Variants in CLSTN2 observed in about 807,000 individuals in gnomAD.
The protein encoded by CLSTN2 is calsyntenin 2, also known as calsyntenin-2.
In CLSTN2, 48 loss-of-function variants were observed where a neutral mutation model predicts 101.2. The observed-to-expected ratio is 0.47, with a 90% CI of 0.38 to 0.60. The LOEUF is 0.60. CLSTN2 is among the 20% of genes least tolerant of loss of function. CLSTN2 has a pLI of 0.00. For synonymous variants in CLSTN2, 481 were observed against 463.6 expected, an observed-to-expected ratio of 1.04 and a Z score of -0.48; for missense variants, 1,160 against 1,238.2, an observed-to-expected ratio of 0.94 and a Z score of 0.95.
chr3:140,006,431 A>G (rs1361711244), intron 1 of CLSTN2, among the ~76,000 whole-genome samples: 2 of 152,204 alleles, frequency 1.3e-5, no homozygotes, highest in African/African-American at 4.8e-5. Context: ...TCCTTAGTCC[A>G]TATGCAAATG....
intron 2 of CLSTN2, among the ~76,000 whole-genome samples, chr3:140,394,563 T>C (rs1277936757): frequency 6.6e-6 from 1 of 152,230 alleles, no homozygotes; most frequent in Non-Finnish European, 1.5e-5. Context: ...AAGCCATCAT[T>C]GTCTGTGTTC....
At chr3:140,074,454 G>A (rs571784007) in intron 1 of CLSTN2, among the ~76,000 whole-genome samples, 3 of 152,130 alleles carry the variant, frequency 2.0e-5, no homozygotes, top group East Asian at 1.9e-4. Context: ...AATGACTGCC[G>A]AGCAGATGGA....
chr3:140,092,853 C>T lies in CLSTN2; in HGVS notation c.110-83098C>T, dbSNP rs189032093. Among the ~76,000 whole-genome samples the T allele has an allele frequency of 2.7e-4, 41 of 152,308 alleles. No homozygotes were observed. In the East Asian group the frequency reaches 6.4e-3, roughly 24 times the overall value. On this transcript the variant is annotated intron_variant, in intron 1 of 16. Coordinates refer to ENST00000458420, the MANE Select transcript of CLSTN2 (RefSeq NM_022131.3). The stretch of plus-strand genomic sequence containing the variant: ...CATGGTGCATTTCAGTCTCCAGGGA[C>T]GGTGACTTGCGTGCTGCCTGGCTCC...
chr3:140,151,514 G>T (rs1290397740), intron 1 of CLSTN2, among the ~76,000 whole-genome samples: 1 of 152,164 alleles, frequency 6.6e-6, no homozygotes, highest in East Asian at 1.9e-4. Context: ...TATACACGGG[G>T]TGACGGGAGT....
intron 10 of CLSTN2, 50 bp downstream of exon 10, chr3:140,546,731 C>T (rs771920582): frequency 2.7e-6 from 4 of 1,491,220 alleles, no homozygotes; most frequent in African/African-American, 2.8e-5. Context: ...TTCATGATGC[C>T]CAGCCTGCAC....
intron 8 of CLSTN2, among the ~76,000 whole-genome samples, chr3:140,522,666 A>G (rs1935055854): frequency 1.3e-5 from 2 of 152,210 alleles, no homozygotes; most frequent in Admixed American, 1.3e-4. Flanking sequence ...CACATCTTTC[A>G]AGGATATTTG....
rs965046047 is a variant in CLSTN2 at position 140,320,234 on chromosome 3, C to T, written c.233-83395C>T. Among the ~76,000 whole-genome samples the T allele has an allele frequency of 3.9e-5, 6 of 152,258 alleles. No individual in the cohort carries two copies. In the South Asian group the frequency reaches 6.2e-4, roughly 16 times the overall value. ...AGAGGACAACTGCCCTCCTGGAGAACGTCACAGACTCTGGGCACTGGGGGG... is the reference window on the plus strand; with the variant it reads ...AGAGGACAACTGCCCTCCTGGAGAATGTCACAGACTCTGGGCACTGGGGGG... On this transcript the variant is annotated intron_variant, in intron 2 of 16. Transcript: ENST00000458420.
intron 8 of CLSTN2, among the ~76,000 whole-genome samples, chr3:140,485,934 C>T (rs961211974): frequency 7.2e-5 from 11 of 151,934 alleles, no homozygotes; most frequent in Admixed American, 1.3e-4. Flanking sequence ...CACCCTGCTT[C>T]GGCTCACACT....
At chr3:139,963,430 C>T (rs1009792171) in intron 1 of CLSTN2, among the ~76,000 whole-genome samples, 1 of 151,952 alleles carries the variant, frequency 6.6e-6, no homozygotes, top group African/African-American at 2.4e-5. Flanking sequence ...AATAGACTTC[C>T]TAATATTAAG....
intron 1 of CLSTN2, among the ~76,000 whole-genome samples, chr3:140,124,471 G>C (rs991652446): frequency 6.6e-6 from 1 of 152,150 alleles, no homozygotes; most frequent in Non-Finnish European, 1.5e-5. Flanking sequence ...GGTGGGAGGT[G>C]GTGAGAAGTG....
chr3:140,543,183 G>A (rs953866997), intron 9 of CLSTN2, among the ~76,000 whole-genome samples: 1 of 152,194 alleles, frequency 6.6e-6, no homozygotes, highest in Non-Finnish European at 1.5e-5. Flanking sequence ...GGAGGAGGAG[G>A]CTGTGAAGAG....
intron 2 of CLSTN2, among the ~76,000 whole-genome samples, chr3:140,181,045 T>A (rs72988119): frequency 6.6e-6 from 1 of 152,192 alleles, no homozygotes; most frequent in Non-Finnish European, 1.5e-5. Context: ...GGGATAGCCA[T>A]GTGTCTTATA....
chr3:140,565,811 G>A (rs1459587698), intron 16 of CLSTN2, among the ~76,000 whole-genome samples: 3 of 152,240 alleles, frequency 2.0e-5, no homozygotes, highest in South Asian at 2.1e-4. Flanking sequence ...ATACCCAACA[G>A]TCTACCTTGA....
At chr3:140,371,592 A>G (rs544597061) in intron 2 of CLSTN2, among the ~76,000 whole-genome samples, 20 of 152,300 alleles carry the variant, frequency 1.3e-4, no homozygotes, top group Admixed American at 3.3e-4. Context: ...CTCAGACCAG[A>G]GCCTCAATAT....
intron 2 of CLSTN2, among the ~76,000 whole-genome samples, chr3:140,240,917 C>A (rs942654492): frequency 3.9e-5 from 6 of 152,032 alleles, no homozygotes; most frequent in African/African-American, 1.4e-4. Flanking sequence ...GGATGCTGGC[C>A]ACCAACTAAG....
intron 9 of CLSTN2, 125 bp downstream of exon 9, chr3:140,532,611 A>C: frequency 1.4e-6 from 1 of 691,650 alleles, no homozygotes; most frequent in East Asian, 2.8e-5. Flanking sequence ...CCTTACAAAA[A>C]AAAATTCAAG....
At chr3:140,086,661 T>G (rs1399448123) in intron 1 of CLSTN2, among the ~76,000 whole-genome samples, 4 of 152,226 alleles carry the variant, frequency 2.6e-5, no homozygotes, top group African/African-American at 9.6e-5. Context: ...CTTTCTTTTC[T>G]AAGTGCTCAT....
At chr3:140,500,230 C>T (rs1004617769) in intron 8 of CLSTN2, among the ~76,000 whole-genome samples, 7 of 152,122 alleles carry the variant, frequency 4.6e-5, no homozygotes, top group Non-Finnish European at 7.3e-5. Flanking sequence ...CTCGGTATAA[C>T]ACTCAGGCAT....
At chr3:139,977,266 G>A (rs550657133) in intron 1 of CLSTN2, among the ~76,000 whole-genome samples, 34 of 152,192 alleles carry the variant, frequency 2.2e-4, no homozygotes, top group South Asian at 1.0e-3. Flanking sequence ...CTGCAGGTTC[G>A]TACAGGGATG....
Sources: gnomAD v4.1 joint callset for allele counts (sites outside exome capture counted in the v4.1 genomes callset) on GRCh38, gnomAD v4.1.1 for gene constraint, MANE v1.5 for transcripts, NCBI Gene and HGNC (gene_info 2026-07-23, HGNC 2026-07-21) for gene names.